ATG2A: variants seen among roughly 807,000 people sequenced by gnomAD.
ATG2A encodes autophagy related 2A, also known as autophagy-related protein 2 homolog A.
A neutral mutation model predicts 214.2 loss-of-function variants in ATG2A; 103 were observed. The ratio of observed to expected loss-of-function variants is 0.48; its 90% confidence interval spans 0.41 to 0.57. The LOEUF (loss-of-function observed/expected upper bound fraction) is 0.57, where lower values mean the gene tolerates loss of function less well. Ranked by LOEUF, ATG2A falls within the 20% of genes least tolerant of loss-of-function variation. The probability of loss-of-function intolerance (pLI) is 0.00; values close to 1 mark genes in which losing one functional copy is unlikely to be tolerated. For missense variants in ATG2A, 2,312 were observed against 2,613.2 expected, an observed-to-expected ratio of 0.88 and a Z score of 2.51; for synonymous variants, 1,160 against 1,142.1, an observed-to-expected ratio of 1.02 and a Z score of -0.32.
In ATG2A at chr11:64,907,440, C is replaced by T; in HGVS notation, c.2648-1G>A. 1.9e-6 allele frequency: 3 copies of T among 1,599,866 alleles called. No individual in the cohort carries two copies. Among genetic ancestry groups the T allele is most frequent in the Non-Finnish European group, 2.6e-6 (3 of 1,173,264 alleles). ...TCTGGGGTGAGATCAAAGCAGTTGG[C>T]TGGGAAGGAGACCGCGAAGGGCTAG... On this transcript the variant is annotated splice_acceptor_variant, in intron 18 of 40. Coordinates refer to ENST00000377264, the MANE Select transcript of ATG2A (RefSeq NM_015104.3). LOFTEE classifies it high-confidence loss of function.
Position 64,896,517 on chromosome 11 carries a change from G to A in ATG2A, c.5372C>T (p.Ser1791Leu). 6.2e-7 allele frequency: 1 copy of A among 1,613,974 alleles called. No individual in the cohort carries two copies. The highest frequency in any genetic ancestry group is 8.5e-7 in the Non-Finnish European group (1 of 1,179,934). The change falls in exon 39 of 41, where the codon TCA (serine) becomes TTA (leucine). Residue 1791 changes from serine to leucine, a missense_variant. Ser to Leu is a moderately radical substitution (Grantham distance 145). Transcript: ENST00000377264. ...GLQRGAASFG[S>L]STASAALELS... is the part of the protein sequence containing the mutation. Reference sequence around the variant, plus strand: ...TTCCAGGGCGGCAGAGGCTGTGGATGAGCCAAAGGAGGCAGCCCCTCGCTG... The same window carrying A: ...TTCCAGGGCGGCAGAGGCTGTGGATAAGCCAAAGGAGGCAGCCCCTCGCTG...
chr11:64,905,508 A>C, intron 24 of ATG2A, 55 bp downstream of exon 24: 1 of 1,517,352 alleles, frequency 6.6e-7, no homozygotes, highest in Non-Finnish European at 9.0e-7. Context: ...CACAGCTGGC[A>C]GGCAGCTTCG....
Position 64,900,520 on chromosome 11 carries a change from C to T in ATG2A, c.4438G>A (p.Val1480Ile), listed in dbSNP as rs2064309202. ...TTGCTCAGCTGGATCTCCATGAGGA[C>T]ATGGTGCTGCCGCCCGCTGCCCCCC... ...TQGGSGRQHHVLMEIQLSKVS... is the reference protein window; with the variant it reads ...TQGGSGRQHHILMEIQLSKVS... Residue 1480 changes from valine (V) to isoleucine (I), a missense_variant, in exon 31 of 41, where the codon GTC (valine) becomes ATC (isoleucine). Val to Ile is a conservative substitution (Grantham distance 29). Transcript: ENST00000377264. The T allele has an allele frequency of 1.9e-6, 3 of 1,613,474 alleles. No homozygotes were observed. The South Asian group carries it at 3.3e-5, about 18-fold the overall frequency.
In ATG2A at chr11:64,900,506, G is replaced by C; in HGVS notation, c.4452C>G (p.Ile1484Met). 1 of 1,613,516 alleles carries C rather than the reference G, an allele frequency of 6.2e-7. No individual in the cohort carries two copies. Residue 1484 changes from isoleucine (I) to methionine (M), a missense_variant, in exon 31 of 41, where the codon ATC becomes ATG. By Grantham distance (10) the Ile-to-Met change is conservative (BLOSUM62 1). Coordinates refer to ENST00000377264, the MANE Select transcript of ATG2A (RefSeq NM_015104.3). ...SGRQHHVLME[I>M]QLSKVSFQHE... ...CCACCCCACTCACCTTGCTCAGCTG[G>C]ATCTCCATGAGGACATGGTGCTGCC...
In ATG2A at chr11:64,898,339, C is replaced by T; in HGVS notation, c.4695G>A (p.Val1565=). ...GCCCACCCAGGTTGGTAGTGGGGGC[C>T]ACATGCAGCGCTTTGATGGTGAGCT... ...SNMLTIKALH[V]APTTNLGGPE... is the part of the protein sequence containing the mutation. The change falls in exon 33 of 41, where the codon GTG becomes GTA. Residue 1565 remains valine, a synonymous_variant. Transcript: ENST00000377264. This position sits in a 1 kb window ranked among gnomAD's most constrained non-coding sequence, Gnocchi z 4.5. The T allele has an allele frequency of 6.2e-7, 1 of 1,607,830 alleles. No individual in the cohort carries two copies. The highest frequency in any genetic ancestry group is 8.5e-7 in the Non-Finnish European group (1 of 1,178,006).
rs1408447964 is a variant in ATG2A, at chr11:64,913,277, G to T, written c.715C>A (p.Leu239Ile). The T allele has an allele frequency of 1.9e-6, 3 of 1,611,348 alleles. No homozygotes were observed. The highest frequency in any genetic ancestry group is 2.7e-5 in the African/African-American group (2 of 74,934). ...LAGVRLHYEE[L>I]PAQEEPPEPP... ...CAGAGCCCGCTCACCTGTGCCGGGA[G>T]CTCCTCGTAGTGCAGGCGGACCCCT... The change falls in exon 5 of 41, where the codon CTC becomes ATC. Residue 239 changes from leucine (L) to isoleucine (I), a missense_variant. Physicochemically the swap from Leu to Ile is conservative, Grantham distance 5. Transcript: ENST00000377264. This position sits in a 1 kb window ranked among gnomAD's most constrained non-coding sequence, Gnocchi z 4.3.
rs200968741 is a variant in ATG2A, at chr11:64,902,289, C to T, written c.3875G>A (p.Arg1292His). 4.7e-5 allele frequency: 76 copies of T among 1,612,812 alleles called. No individual in the cohort carries two copies. The highest frequency in any genetic ancestry group is 6.7e-5 in the African/African-American group (5 of 75,062). ...DLADALLDTE[R>H]SLRELAQPSG... ...AGGCTGGGCCAGCTCCCGTAGGCTG[C>T]GCTCGGTGTCCAGGAGGGCGTCGGC... Residue 1292 changes from arginine (R) to histidine (H), a missense_variant, in exon 28 of 41, where the codon CGC (arginine) becomes CAC (histidine). By Grantham distance (29) the Arg-to-His change is conservative. Transcript: ENST00000377264.
In ATG2A at chr11:64,909,833, A is replaced by G; in HGVS notation, c.1955T>C (p.Leu652Pro). 1 of 1,610,714 alleles carries G rather than the reference A, an allele frequency of 6.2e-7. No individual in the cohort carries two copies. The highest frequency in any genetic ancestry group is 1.1e-5 in the South Asian group (1 of 91,006). ...TLRLRFPIAD[L>P]RPEPDPWAGQ... ...CGCCCAGGGGTCCGGCTCAGGCCGC[A>G]GGTCGGCAATGGGGAAGCGCAGCCG... Residue 652 changes from leucine to proline, a missense_variant, in exon 14 of 41, where the codon CTG (leucine) becomes CCG (proline). Coordinates refer to ENST00000377264, the MANE Select transcript of ATG2A (RefSeq NM_015104.3).
rs750847759 is a variant in ATG2A, at chr11:64,912,213, C to T, written c.959G>A (p.Arg320His). 17 of 1,613,514 alleles carry T rather than the reference C, an allele frequency of 1.1e-5. No homozygotes were observed. Among genetic ancestry groups the T allele is most frequent in the East Asian group, 2.2e-5 (1 of 44,888 alleles). Residue 320 changes from arginine to histidine, a missense_variant, in exon 8 of 41, where the codon CGC (arginine) becomes CAC (histidine). By Grantham distance (29) the Arg-to-His change is conservative. Transcript: ENST00000377264. ...EGLADKLNKS[R>H]PLGAEDLWLI... ...CCACAGGTCTTCGGCACCTAGCGGGCGGCTCTTGTTCAGCTTGTCAGCCAG... is the reference window on the plus strand; with the variant it reads ...CCACAGGTCTTCGGCACCTAGCGGGTGGCTCTTGTTCAGCTTGTCAGCCAG...
Position 64,903,636 on chromosome 11 carries a change from C to T in ATG2A, c.3489G>A (p.Leu1163=). ...LLRFILDDSA[L]YLSDKCEVET... Reference sequence around the variant, plus strand: ...CCACCTCACACTTGTCGGACAGGTACAAGGCGGAGTCATCGAGGATGAACC... The same window carrying T: ...CCACCTCACACTTGTCGGACAGGTATAAGGCGGAGTCATCGAGGATGAACC... Residue 1163 remains leucine, a synonymous_variant, in exon 25 of 41, where the codon TTG becomes TTA. Transcript: ENST00000377264. The surrounding 1 kb of genome is among the most constrained non-coding windows in gnomAD (Gnocchi z 4.2). 1 of 1,550,072 alleles carries T rather than the reference C, an allele frequency of 6.5e-7. No individual in the cohort carries two copies. The highest frequency in any genetic ancestry group is 8.7e-7 in the Non-Finnish European group (1 of 1,146,554).
rs376058934 is a variant in ATG2A at position 64,897,659 on chromosome 11, C to T, written c.5067+12G>A. ...ACCCCACATGGCCACCCCATCCGAC[C>T]GCCCCACTTACCACCTGGTCCATCG... On this transcript the variant is annotated intron_variant, in intron 36 of 40. Transcript: ENST00000377264. The T allele has an allele frequency of 1.1e-5, 18 of 1,614,072 alleles. No individual in the cohort carries two copies. Among genetic ancestry groups the T allele is most frequent in the African/African-American group, 6.7e-5 (5 of 74,932 alleles).
In ATG2A at chr11:64,895,167, G is replaced by A. The variant is rs778775207; in HGVS notation, c.5623C>T (p.Arg1875Trp). 122 of 1,612,986 alleles carry A rather than the reference G, an allele frequency of 7.6e-5. No individual in the cohort carries two copies. The highest frequency in any genetic ancestry group is 1.3e-4 in the East Asian group (6 of 44,880). ...TAQTICDVAS[R>W]GHEQKGLTGA... The stretch of plus-strand genomic sequence containing the variant: ...GTCAGCCCCTTCTGCTCATGGCCCC[G>A]CGATGCCACGTCACAGATGGTCTGA... Residue 1875 changes from arginine (R) to tryptophan (W), a missense_variant, in exon 41 of 41, where the codon CGG (arginine) becomes TGG (tryptophan). Coordinates refer to ENST00000377264, the MANE Select transcript of ATG2A (RefSeq NM_015104.3). This position sits in a 1 kb window ranked among gnomAD's most constrained non-coding sequence, Gnocchi z 5.0.
intron 37 of ATG2A, chr11:64,897,079 G>T: frequency 1.3e-6 from 1 of 758,604 alleles, no homozygotes; most frequent in Non-Finnish European, 2.1e-6. Flanking sequence ...GGAGTGAAGT[G>T]GTGCGATCTT....
rs1190672430 is a variant in ATG2A, at chr11:64,895,591, A to C, written c.5428-149T>G. The C allele has an allele frequency of 9.2e-6, 8 of 872,236 alleles. No homozygotes were observed. Among genetic ancestry groups the C allele is most frequent in the Admixed American group, 3.1e-5 (1 of 32,398 alleles). 54.0% of individuals were successfully genotyped at this position (872,236 alleles called of 1,614,324 possible). On this transcript the variant is annotated intron_variant, in intron 39 of 40. Transcript: ENST00000377264. The surrounding 1 kb of genome is among the most constrained non-coding windows in gnomAD (Gnocchi z 5.0). Reference sequence around the variant, plus strand: ...GGGGTCCTGCTCAGCCTCACTCCCCACTTCCTCCCACTCTTCCTCCCCTTC... The same window carrying C: ...GGGGTCCTGCTCAGCCTCACTCCCCCCTTCCTCCCACTCTTCCTCCCCTTC...
At chr11:64,906,290 C>G in intron 21 of ATG2A, 44 bp downstream of exon 21, 1 of 1,608,318 alleles carries the variant, frequency 6.2e-7, no homozygotes, top group Non-Finnish European at 8.5e-7. Flanking sequence ...ACCGGGGCTG[C>G]AGCCCAGGCT....
intron 6 of ATG2A, 122 bp downstream of exon 6, chr11:64,912,916 C>G (rs1264837497): frequency 2.6e-6 from 2 of 759,564 alleles, no homozygotes; most frequent in Non-Finnish European, 4.1e-6. Context: ...CTTTAGCTGC[C>G]AAGAAGGAAG....
Position 64,914,351 on chromosome 11 carries a change from G to A in ATG2A, c.321C>T (p.Pro107=). ...RVSGLQLTLQ[P]RRGPAPGAAD... is the part of the protein sequence containing the mutation. ...CCCTGCCCTCACCTGGACCCCGGCGGGGCTGCAAGGTGAGCTGGAGGCCGG... is the reference window on the plus strand; with the variant it reads ...CCCTGCCCTCACCTGGACCCCGGCGAGGCTGCAAGGTGAGCTGGAGGCCGG... The change falls in exon 2 of 41, where the codon CCC becomes CCT. Residue 107 remains proline, a synonymous_variant. Transcript: ENST00000377264. The A allele has an allele frequency of 6.2e-7, 1 of 1,605,440 alleles. No homozygotes were observed. Among genetic ancestry groups the A allele is most frequent in the Non-Finnish European group, 8.5e-7 (1 of 1,176,782 alleles).
chr11:64,896,175 C>A (rs1490819827), intron 39 of ATG2A, among the ~76,000 whole-genome samples: 2 of 152,206 alleles, frequency 1.3e-5, no homozygotes, highest in African/African-American at 2.4e-5. Flanking sequence ...CACAGCCGTC[C>A]TCCACCCCCC....
Position 64,895,116 on chromosome 11 carries a change from G to A in ATG2A, c.5674C>T (p.Gln1892Ter). ...LTGAVGGVIR[Q>*]LPPTVVKPLI... is the part of the protein sequence containing the mutation. ...GGCTTCACCACAGTCGGGGGCAGCTGGCGGATCACGCCCCCCACGGCGCCC... is the reference window on the plus strand; with the variant it reads ...GGCTTCACCACAGTCGGGGGCAGCTAGCGGATCACGCCCCCCACGGCGCCC... The change falls in exon 41 of 41, where the codon CAG becomes TAG. Residue 1892 changes from glutamine (Q) to a stop codon, truncating the protein, a stop_gained. Transcript: ENST00000377264. LOFTEE classifies it high-confidence loss of function. This position sits in a 1 kb window ranked among gnomAD's most constrained non-coding sequence, Gnocchi z 5.0. 3 of 1,613,074 alleles carry A rather than the reference G, an allele frequency of 1.9e-6. No homozygotes were observed. Among genetic ancestry groups the A allele is most frequent in the Non-Finnish European group, 1.7e-6 (2 of 1,179,814 alleles).
Sources: gnomAD v4.1 joint callset for allele counts (sites outside exome capture counted in the v4.1 genomes callset) on GRCh38, gnomAD v4.1.1 for gene constraint, Gnocchi (gnomAD v3.1) non-coding constraint, MANE v1.5 for transcripts, NCBI Gene and HGNC (gene_info 2026-07-23, HGNC 2026-07-21) for gene names.